The following MDGA2 variants were observed in gnomAD, a reference collection of about 807,000 sequenced individuals.
MDGA2 encodes the protein MAM domain containing glycosylphosphatidylinositol anchor 2, also known as MAM domain-containing glycosylphosphatidylinositol anchor protein 2.
A neutral mutation model predicts 117.8 loss-of-function variants in MDGA2; 40 were observed. The observed-to-expected ratio is 0.34, with a 90% CI of 0.26 to 0.44. The LOEUF (loss-of-function observed/expected upper bound fraction) is 0.44. Among genes scored for constraint, MDGA2 ranks in the 20% least tolerant of loss-of-function variants. The pLI, the probability that MDGA2 is intolerant of heterozygous loss-of-function variation, is 1.00. For missense variants in MDGA2, 1,123 were observed against 1,250.6 expected, an observed-to-expected ratio of 0.90 and a Z score of 1.54; for synonymous variants, 452 against 439.0, an observed-to-expected ratio of 1.03 and a Z score of -0.37.
intron 16 of MDGA2, among the ~76,000 whole-genome samples, chr14:46,845,477 CAAAT>C (rs1021558357): frequency 6.6e-6 from 1 of 152,004 alleles, no homozygotes; most frequent in African/African-American, 2.4e-5. Flanking sequence ...TCTTCTAAAA[CAAAT>C]AATATCAAAG....
At chr14:47,381,162 C>T (rs573879248) in intron 1 of MDGA2, among the ~76,000 whole-genome samples, 2 of 152,250 alleles carry the variant, frequency 1.3e-5, no homozygotes, top group East Asian at 1.9e-4. Flanking sequence ...ATTCAACAGC[C>T]CTTCAAGCTA....
At chr14:47,182,835 CTTTTTTGGGT>C (rs1884762602) in intron 3 of MDGA2, among the ~76,000 whole-genome samples, 1 of 151,998 alleles carries the variant, frequency 6.6e-6, no homozygotes, top group African/African-American at 2.4e-5. Flanking sequence ...AATTAGACTG[CTTTTTTGGGT>C]TTTTTTGGGA....
chr14:47,203,317 C>CA (rs1885575784), intron 3 of MDGA2, among the ~76,000 whole-genome samples: 1 of 151,862 alleles, frequency 6.6e-6, no homozygotes. Context: ...TGCTATTTGT[C>CA]ATGACATGGG....
At chr14:47,176,934 T>C (rs999445679) in intron 3 of MDGA2, among the ~76,000 whole-genome samples, 2 of 151,956 alleles carry the variant, frequency 1.3e-5, no homozygotes, top group African/African-American at 4.8e-5. Context: ...GAATCTACAA[T>C]GAACTCAAAC....
In MDGA2 at chr14:46,845,863, A is replaced by C. The variant is rs1880817397; in HGVS notation, c.2892T>G (p.Phe964Leu). The C allele has an allele frequency of 6.2e-7, 1 of 1,610,470 alleles. No individual in the cohort carries two copies. The highest frequency in any genetic ancestry group is 1.7e-5 in the Admixed American group (1 of 59,930). Residue 964 changes from phenylalanine (F) to leucine (L), a missense_variant, in exon 16 of 17, where the codon TTT (phenylalanine) becomes TTG (leucine). Physicochemically the swap from Phe to Leu is conservative, Grantham distance 22. Transcript: ENST00000399232. ...IYPITSFQLI[F>L]EGIRGPGIEG... ...CTATTCCAGGACCTCGGATACCTTC[A>C]AAAATGAGCTACAAATATGAATGAA...
At chr14:46,891,840 A>C (rs932774467) in intron 10 of MDGA2, among the ~76,000 whole-genome samples, 1 of 151,448 alleles carries the variant, frequency 6.6e-6, no homozygotes, top group Non-Finnish European at 1.5e-5. Context: ...CTTATAATAA[A>C]TATCATAATA....
chr14:47,393,412 A>AG (rs1891939527), intron 1 of MDGA2, among the ~76,000 whole-genome samples: 1 of 151,508 alleles, frequency 6.6e-6, no homozygotes, highest in Non-Finnish European at 1.5e-5. Context: ...TTATTAAAAA[A>AG]AATAAAAATA....
intron 1 of MDGA2, among the ~76,000 whole-genome samples, chr14:47,653,252 AGATTT>A (rs1279079572): frequency 2.0e-5 from 3 of 152,180 alleles, no homozygotes; most frequent in Admixed American, 2.0e-4. Context: ...CCAGGAGAAT[AGATTT>A]CATTCATCCA....
intron 1 of MDGA2, among the ~76,000 whole-genome samples, chr14:47,323,901 A>G (rs185559211): frequency 1.7e-4 from 26 of 152,262 alleles, no homozygotes; most frequent in Non-Finnish European, 3.2e-4. Flanking sequence ...ATTTAATTCA[A>G]TTTGATGAAT....
intron 1 of MDGA2, among the ~76,000 whole-genome samples, chr14:47,470,782 A>C (rs2138614476): frequency 6.6e-6 from 1 of 152,266 alleles, no homozygotes; most frequent in South Asian, 2.1e-4. Flanking sequence ...ATTTCTGTCA[A>C]AATTAAGAAT....
intron 9 of MDGA2, among the ~76,000 whole-genome samples, chr14:46,948,473 C>T (rs1885251008): frequency 6.6e-6 from 1 of 151,940 alleles, no homozygotes; most frequent in South Asian, 2.1e-4. Flanking sequence ...TCAGTTTTCT[C>T]CCTCCAGTTC....
At chr14:47,058,759 T>A in intron 7 of MDGA2, 1 of 985,300 alleles carries the variant, frequency 1.0e-6, no homozygotes, top group Non-Finnish European at 1.2e-6. Context: ...ACAGAATATG[T>A]AATCATCTTC....
intron 3 of MDGA2, among the ~76,000 whole-genome samples, chr14:47,177,566 C>T (rs1039991608): frequency 3.3e-5 from 5 of 152,044 alleles, no homozygotes; most frequent in African/African-American, 9.7e-5. Context: ...AATCAAACAC[C>T]GCATGTTCTC....
chr14:47,342,281 TAA>T lies in MDGA2; in HGVS notation c.281-40733_281-40732del, dbSNP rs58883627. On this transcript the variant is annotated intron_variant, in intron 1 of 16. Transcript: ENST00000399232. Reference sequence around the variant, plus strand: ...TTATATATATATATATATATATATATAAAATATGTTATATATATAAATATGTG... The same window carrying T: ...TTATATATATATATATATATATATATAATATGTTATATATATAAATATGTG... Among the ~76,000 whole-genome samples the T allele has an allele frequency of 5.7e-4, 47 of 82,414 alleles. 1 individual carries two copies. The East Asian group carries it at 0.019, about 33-fold the overall frequency. 54.1% of individuals were successfully genotyped at this position (82,414 alleles called of 152,430 possible).
chr14:47,319,699 TC>T (rs1337372117), intron 1 of MDGA2, among the ~76,000 whole-genome samples: 5 of 152,186 alleles, frequency 3.3e-5, no homozygotes, highest in Admixed American at 2.6e-4. Flanking sequence ...CTACCTTGAA[TC>T]TTTTGTTTGT....
chr14:46,997,629 C>A (rs1471342184), intron 8 of MDGA2, among the ~76,000 whole-genome samples: 1 of 152,130 alleles, frequency 6.6e-6, no homozygotes, highest in African/African-American at 2.4e-5. Context: ...TTTAGCATTA[C>A]TGTCAGAATT....
chr14:46,988,330 A>G (rs974409247), intron 8 of MDGA2, among the ~76,000 whole-genome samples: 3 of 152,054 alleles, frequency 2.0e-5, no homozygotes, highest in Admixed American at 6.6e-5. Context: ...GGGTTGATGG[A>G]AAAAATCAAA....
At chr14:47,528,278 T>C (rs1408222913) in intron 1 of MDGA2, among the ~76,000 whole-genome samples, 1 of 151,992 alleles carries the variant, frequency 6.6e-6, no homozygotes, top group Non-Finnish European at 1.5e-5. Flanking sequence ...TCAAATTTAA[T>C]CAGTGCTTAT....
intron 12 of MDGA2, 100 bp from the exon 13 acceptor site, chr14:46,874,300 G>T: frequency 1.9e-6 from 1 of 521,858 alleles, no homozygotes; most frequent in Non-Finnish European, 2.9e-6. Context: ...CAATAATAAT[G>T]CAAGATTGTG....
Sources: gnomAD v4.1 joint callset for allele counts (sites outside exome capture counted in the v4.1 genomes callset) on GRCh38, gnomAD v4.1.1 for gene constraint, MANE v1.5 for transcripts, NCBI Gene and HGNC (gene_info 2026-07-23, HGNC 2026-07-21) for gene names.